BAZ2A: variants seen among roughly 807,000 people sequenced by gnomAD.
The protein encoded by BAZ2A is bromodomain adjacent to zinc finger domain protein 2A.
BAZ2A carries 34 observed loss-of-function variants against 199.9 expected under a neutral mutation model. The ratio of observed to expected loss-of-function variants is 0.17; its 90% CI spans 0.13 to 0.23. The LOEUF (loss-of-function observed/expected upper bound fraction) is 0.23, where lower values mean the gene tolerates loss of function less well. BAZ2A is among the 10% of genes least tolerant of loss of function. BAZ2A has a pLI of 1.00. For synonymous variants in BAZ2A, 857 were observed against 883.9 expected (o/e 0.97, Z 0.54); for missense variants, 2,002 against 2,391.1 (o/e 0.84, Z 3.39).
rs780677811 is a variant in BAZ2A at position 56,603,669 on chromosome 12, G to A, written c.3070C>T (p.Arg1024Trp). The A allele has an allele frequency of 1.8e-5, 29 of 1,613,810 alleles. No homozygotes were observed. In the South Asian group the frequency reaches 2.1e-4, roughly 12 times the overall value. ...LKTVLAKRTGRSEVEMEGPEE... is the reference protein window; with the variant it reads ...LKTVLAKRTGWSEVEMEGPEE... ...GGCCCTTCCATCTCTACTTCAGACC[G>A]CCCAGTTCGCTTGGCCAGAACAGTT... Residue 1024 changes from arginine to tryptophan, a missense_variant, in exon 17 of 29, where the codon CGG becomes TGG. Coordinates refer to ENST00000549884, the MANE Select transcript of BAZ2A (RefSeq NM_001300905.2).
upstream of BAZ2A, chr12:56,636,498 A>T (rs1951452060): frequency 4.7e-6 from 3 of 639,364 alleles, no homozygotes; most frequent in South Asian, 1.4e-4. Flanking sequence ...TTGACACTCC[A>T]GTGGCATGGT....
chr12:56,608,264 C>T (rs529525551), intron 10 of BAZ2A, among the ~76,000 whole-genome samples: 6 of 151,194 alleles, frequency 4.0e-5, no homozygotes, highest in South Asian at 2.1e-4. Flanking sequence ...CCCAGCTACT[C>T]GGGAGGCCGA....
chr12:56,615,651 A>T (rs764804639), intron 2 of BAZ2A, 44 bp from the exon 3 acceptor site: 6 of 1,412,400 alleles, frequency 4.2e-6, no homozygotes, highest in Non-Finnish European at 4.8e-6. Flanking sequence ...ATATGTAGGC[A>T]AGCAACTTTA....
At chr12:56,636,211 G>A in exon 1 of BAZ2A, 1 of 1,589,998 alleles carries the variant, frequency 6.3e-7, no homozygotes, top group Non-Finnish European at 8.6e-7. Context: ...CTCCAGGCTG[G>A]GACCACCCAG....
intron 10 of BAZ2A, among the ~76,000 whole-genome samples, chr12:56,607,760 A>C (rs1184558616): frequency 6.6e-6 from 1 of 152,184 alleles, no homozygotes; most frequent in East Asian, 1.9e-4. Context: ...TATTATGGGC[A>C]GATGAACTAC....
chr12:56,599,992 A>G lies in BAZ2A; in HGVS notation c.4997T>C (p.Ile1666Thr). The G allele has an allele frequency of 4.3e-6, 7 of 1,613,980 alleles. No homozygotes were observed. The highest frequency in any genetic ancestry group is 5.9e-6 in the Non-Finnish European group (7 of 1,179,886). ...CLCLGQLERS[I>T]AWEKSVNKVT... ...TTTGTTGACAGACTTCTCCCAGGCA[A>G]TGGACCTCTCCAGCTGGCCCAGGCA... Residue 1666 changes from isoleucine (I) to threonine (T), a missense_variant, in exon 25 of 29, where the codon ATT becomes ACT. By Grantham distance (89) the Ile-to-Thr change is moderately conservative (BLOSUM62 -1). This residue lies in a region of BAZ2A where 1,081 missense variants were observed against 1,274.7 expected (regional missense o/e 0.85). Transcript: ENST00000549884.
chr12:56,610,249 T>C (rs767599531), intron 8 of BAZ2A, 34 bp from the exon 9 acceptor site: 26 of 1,610,654 alleles, frequency 1.6e-5, no homozygotes, highest in Non-Finnish European at 2.1e-5. Flanking sequence ...ATTAATAAAG[T>C]TGGATCCTAC....
In BAZ2A at chr12:56,600,243, A is replaced by C. The variant is rs1886316006; in HGVS notation, c.4850T>G (p.Leu1617Arg). 12 of 1,613,962 alleles carry C rather than the reference A, an allele frequency of 7.4e-6. No homozygotes were observed. Among genetic ancestry groups the C allele is most frequent in the Non-Finnish European group, 1.0e-5 (12 of 1,179,868 alleles). The change falls in exon 24 of 29, where the codon CTT becomes CGT. Residue 1617 changes from leucine to arginine, a missense_variant. Physicochemically the swap from Leu to Arg is moderately radical, Grantham distance 102 (BLOSUM62 -2). Transcript: ENST00000549884. ...THEVVLEKAL[L>R]STPNGAPEGT... The stretch of plus-strand genomic sequence containing the variant: ...CTCAGGGGCACCATTAGGTGTGCTA[A>C]GCAGGGCCTTCTCCAGCACAACCTC...
chr12:56,631,719 T>G (rs144119011), upstream of BAZ2A, among the ~76,000 whole-genome samples: 26 of 151,700 alleles, frequency 1.7e-4, no homozygotes, highest in African/African-American at 6.3e-4. Flanking sequence ...AGCAACAGAG[T>G]GGGGATGATG....
At chr12:56,608,961 C>A (rs1950466587) in intron 10 of BAZ2A, among the ~76,000 whole-genome samples, 1 of 149,854 alleles carries the variant, frequency 6.7e-6, no homozygotes, top group Non-Finnish European at 1.5e-5. Context: ...GAAACCTCCA[C>A]CTCCCAGGTT....
chr12:56,600,421 G>C lies in BAZ2A; in HGVS notation c.4672C>G (p.Gln1558Glu). ...CGACCTCGCCAGGTGATATCCTCCTGGGAGTCGGAGAGGTGCTCACAGTAG... is the reference window on the plus strand; with the variant it reads ...CGACCTCGCCAGGTGATATCCTCCTCGGAGTCGGAGAGGTGCTCACAGTAG... ...LAYCEHLSDS[Q>E]EDITWRGRGR... Residue 1558 changes from glutamine to glutamate, a missense_variant, in exon 24 of 29, where the codon CAG becomes GAG. This residue lies in a region of BAZ2A where 1,081 missense variants were observed against 1,274.7 expected (regional missense o/e 0.85). Coordinates refer to ENST00000549884, the MANE Select transcript of BAZ2A (RefSeq NM_001300905.2). 6.2e-7 allele frequency: 1 copy of C among 1,614,032 alleles called. No homozygotes were observed. The highest frequency in any genetic ancestry group is 8.5e-7 in the Non-Finnish European group (1 of 1,179,900).
chr12:56,605,343 T>C lies in BAZ2A; in HGVS notation c.2494-16A>G. ...CAGGCAGGGGCTAGAGAGAGAAAAG[T>C]GAGTAGAGAGTTCTGTTAAACATAA... On this transcript the variant is annotated splice_polypyrimidine_tract_variant and intron_variant, in intron 13 of 28. Transcript: ENST00000549884. 2 of 1,594,332 alleles carry C rather than the reference T, an allele frequency of 1.3e-6. No homozygotes were observed. Among genetic ancestry groups the C allele is most frequent in the Non-Finnish European group, 1.7e-6 (2 of 1,166,022 alleles).
chr12:56,601,245 C>G lies in BAZ2A; in HGVS notation c.4229G>C (p.Ser1410Thr), dbSNP rs917094148. 4 of 1,613,932 alleles carry G rather than the reference C, an allele frequency of 2.5e-6. No homozygotes were observed. Among genetic ancestry groups the G allele is most frequent in the Non-Finnish European group, 3.4e-6 (4 of 1,179,912 alleles). The part of the protein sequence containing the change: ...GQPKRRGRPP[S>T]KFFKQMEQRY... ...CTGTTCCATCTGTTTGAAGAACTTA[C>G]TGGGAGGTCTCCCTCTCCGTTTGGG... Residue 1410 changes from serine (S) to threonine (T), a missense_variant, in exon 21 of 29, where the codon AGT becomes ACT. Transcript: ENST00000549884.
In BAZ2A at chr12:56,600,773, G is replaced by C; in HGVS notation, c.4510C>G (p.Pro1504Ala). The change falls in exon 23 of 29, where the codon CCC becomes GCC. Residue 1504 changes from proline (P) to alanine (A), a missense_variant. Pro to Ala is a conservative substitution (Grantham distance 27). Transcript: ENST00000549884. ...TCTGTCTCGTATGTCTTCTCTTTGG[G>C]GGACCAGCTCATAATCCCTTCTTGA... is the stretch of plus-strand genomic sequence containing the variant. ...AFQEGIMSWS[P>A]KEKTYETDLA... is the part of the protein sequence containing the mutation. The C allele has an allele frequency of 6.2e-7, 1 of 1,613,788 alleles. No individual in the cohort carries two copies. The highest frequency in any genetic ancestry group is 8.5e-7 in the Non-Finnish European group (1 of 1,179,882).
At chr12:56,617,307 G>A (rs1324977536) in intron 2 of BAZ2A, 88 bp downstream of exon 2, 1 of 1,298,984 alleles carries the variant, frequency 7.7e-7, no homozygotes, top group Admixed American at 3.7e-5. Context: ...CTCTCCAGCA[G>A]CAAAGTAGAG....
intron 20 of BAZ2A, 42 bp from the exon 21 acceptor site, chr12:56,601,444 T>C (rs766320048): frequency 3.1e-6 from 5 of 1,595,398 alleles, no homozygotes; most frequent in Non-Finnish European, 3.4e-6. Flanking sequence ...GATGTTTTCA[T>C]GTTTATAGGT....
At chr12:56,614,841 C>T (rs1950666403) in intron 3 of BAZ2A, 173 bp downstream of exon 3, 2 of 705,630 alleles carry the variant, frequency 2.8e-6, no homozygotes, top group African/African-American at 1.8e-5. Flanking sequence ...CGAGCTGGTG[C>T]TGCTGCCACA....
In BAZ2A at chr12:56,602,092, G is replaced by A. The variant is rs1886540794; in HGVS notation, c.3525C>T (p.Gly1175=). 1 of 1,581,622 alleles carries A rather than the reference G, an allele frequency of 6.3e-7. No individual in the cohort carries two copies. The highest frequency in any genetic ancestry group is 1.2e-5 in the South Asian group (1 of 86,370). ...CAGGAGAACTGGCAGTGGTGTTGGA[G>A]CCAGCTAACTCCATCTTCATAGAGA... ...ALFSMKMELA[G]SNTTASSPAR... Residue 1175 remains glycine (G), a synonymous_variant, in exon 20 of 29, where the codon GGC becomes GGT. Coordinates refer to ENST00000549884, the MANE Select transcript of BAZ2A (RefSeq NM_001300905.2).
In BAZ2A at chr12:56,599,867, G is replaced by A; in HGVS notation, c.5026-19C>T. 1.2e-6 allele frequency: 2 copies of A among 1,613,862 alleles called. No homozygotes were observed. The highest frequency in any genetic ancestry group is 1.7e-6 in the Non-Finnish European group (2 of 1,179,830). ...GACATGTCTGGACCAAGGTTGTGAGGAGGCAGAATGAGCTCTCCAGCCTCT... is the reference window on the plus strand; with the variant it reads ...GACATGTCTGGACCAAGGTTGTGAGAAGGCAGAATGAGCTCTCCAGCCTCT... On this transcript the variant is annotated intron_variant, in intron 25 of 28. Coordinates refer to ENST00000549884, the MANE Select transcript of BAZ2A (RefSeq NM_001300905.2).
Sources: allele counts gnomAD v4.1 joint callset (sites outside exome capture counted in the v4.1 genomes callset), GRCh38; gene constraint gnomAD v4.1.1; regional missense constraint gnomAD v4.1.1; transcripts MANE v1.5; gene names NCBI Gene and HGNC (gene_info 2026-07-23, HGNC 2026-07-21).